SFI1: variants seen among roughly 807,000 people sequenced by gnomAD.
SFI1 encodes protein SFI1 homolog.
A neutral mutation model predicts 207.5 loss-of-function variants in SFI1; 195 were observed. That is an observed-to-expected ratio of 0.94 (90% CI 0.84 to 1.06). The LOEUF is 1.06. Ranked by LOEUF, SFI1 falls within the 50% of genes least tolerant of loss-of-function variation. The pLI, the probability that SFI1 is intolerant of heterozygous loss-of-function variation, is 0.00. For synonymous variants in SFI1, 630 were observed against 598.9 expected, an observed-to-expected ratio of 1.05 and a Z score of -0.76; for missense variants, 1,634 against 1,588.0, an observed-to-expected ratio of 1.03 and a Z score of -0.49.
intron 15 of SFI1, among the ~76,000 whole-genome samples, chr22:31,593,780 G>A (rs1181277527): frequency 1.3e-5 from 2 of 150,718 alleles, no homozygotes; most frequent in African/African-American, 4.9e-5. Flanking sequence ...GATCACTCGC[G>A]GTTAGGGGCT....
intron 3 of SFI1, 78 bp downstream of exon 3, chr22:31,528,941 C>G: frequency 7.2e-7 from 1 of 1,396,056 alleles, no homozygotes. Context: ...GGGAATGATT[C>G]TTATTCTTCC....
chr22:31,504,873 G>A (rs2054375338), intron 1 of SFI1, among the ~76,000 whole-genome samples: 1 of 151,998 alleles, frequency 6.6e-6, no homozygotes, highest in Non-Finnish European at 1.5e-5. Flanking sequence ...AAATCGTGTT[G>A]GATTATGGGC....
At chr22:31,525,578 G>C (rs1311073624) in intron 2 of SFI1, among the ~76,000 whole-genome samples, 5 of 152,094 alleles carry the variant, frequency 3.3e-5, no homozygotes, top group Non-Finnish European at 7.4e-5. Flanking sequence ...AATTAGCCAG[G>C]TGGTAGCATG....
At chr22:31,559,809 A>C in intron 7 of SFI1, 1 of 708,780 alleles carries the variant, frequency 1.4e-6, no homozygotes. Context: ...CTCCGTGCAG[A>C]TGTGGAGCGA....
intron 24 of SFI1, chr22:31,612,398 A>AAAAATATATAT (rs1556369798): frequency 1.7e-5 from 1 of 60,192 alleles, no homozygotes; most frequent in African/African-American, 6.7e-5. Flanking sequence ...AAAAAAAAAA[A>AAAAATATATAT]ATATATATAT....
chr22:31,510,378 T>A (rs551094554), intron 2 of SFI1, among the ~76,000 whole-genome samples: 30 of 151,954 alleles, frequency 2.0e-4, no homozygotes, highest in African/African-American at 7.2e-4. Context: ...GGAAAATTTT[T>A]AATTACTCAT....
At chr22:31,526,486 C>G (rs2057924738) in intron 2 of SFI1, among the ~76,000 whole-genome samples, 1 of 152,154 alleles carries the variant, frequency 6.6e-6, no homozygotes, top group Non-Finnish European at 1.5e-5. Context: ...AGGTCCCTCC[C>G]ATGACACGTG....
intron 15 of SFI1, among the ~76,000 whole-genome samples, chr22:31,596,279 A>G (rs189756866): frequency 1.3e-5 from 2 of 151,864 alleles, no homozygotes; most frequent in Admixed American, 6.6e-5. Context: ...CTCTCTCTCT[A>G]TCTATCTGTC....
rs1435002293 is a variant in SFI1 at position 31,603,808 on chromosome 22, C to T, written c.1870C>T (p.Gln624Ter). ...MAQLLRWAWSQWRECLALRGA... is the reference protein window; with the variant it reads ...MAQLLRWAWS ...CCAGCTCCTGCGTTGGGCCTGGAGC[C>T]AGTGGAGGGAGGTAAGGCTTTGGTG... Residue 624 changes from glutamine to a stop codon, truncating the protein, a stop_gained, in exon 18 of 33, where the codon CAG becomes TAG. Transcript: ENST00000400288. LOFTEE classifies it high-confidence loss of function. 2 of 1,569,068 alleles carry T rather than the reference C, an allele frequency of 1.3e-6. No individual in the cohort carries two copies. The highest frequency in any genetic ancestry group is 2.1e-5 in the Admixed American group (1 of 46,988).
intron 2 of SFI1, among the ~76,000 whole-genome samples, chr22:31,525,116 T>C (rs2057757408): frequency 6.6e-6 from 1 of 152,162 alleles, no homozygotes; most frequent in South Asian, 2.1e-4. Flanking sequence ...CTATAGGTTG[T>C]CTTTTTACTC....
At chr22:31,612,392 A>ATAT (rs1421688039) in intron 24 of SFI1, 5 of 107,400 alleles carry the variant, frequency 4.7e-5, no homozygotes, top group African/African-American at 1.9e-4. Flanking sequence ...AAAAAAAAAA[A>ATAT]AAAAAAATAT....
At chr22:31,614,042 G>A (rs908490077) in intron 27 of SFI1, 187 bp downstream of exon 27, 1 of 785,122 alleles carries the variant, frequency 1.3e-6, no homozygotes, top group Non-Finnish European at 1.9e-6. Context: ...GGAGAGAATG[G>A]AGTGGGATTT....
intron 11 of SFI1, among the ~76,000 whole-genome samples, chr22:31,579,858 A>G (rs1295278981): frequency 6.6e-6 from 1 of 152,194 alleles, no homozygotes; most frequent in Non-Finnish European, 1.5e-5. Flanking sequence ...TGCATTTATA[A>G]TCATACAAAT....
At chr22:31,564,840 G>T (rs1331368758) in intron 8 of SFI1, among the ~76,000 whole-genome samples, 3 of 98,210 alleles carry the variant, frequency 3.1e-5, no homozygotes, top group African/African-American at 1.6e-4. Context: ...TTGAGACGGA[G>T]TCTTGCTCTG....
At chr22:31,532,845 A>T (rs2058651272) in intron 4 of SFI1, among the ~76,000 whole-genome samples, 1 of 152,204 alleles carries the variant, frequency 6.6e-6, no homozygotes. Flanking sequence ...AGGTAGGAGA[A>T]CAGGTCTCAA....
intron 4 of SFI1, among the ~76,000 whole-genome samples, chr22:31,540,421 A>C (rs1383308734): frequency 6.6e-6 from 1 of 151,750 alleles, no homozygotes; most frequent in Non-Finnish European, 1.5e-5. Flanking sequence ...AGCTGAGATC[A>C]CAGGTGCCCA....
chr22:31,514,599 A>C (rs572781943), intron 2 of SFI1, among the ~76,000 whole-genome samples: 1 of 150,336 alleles, frequency 6.7e-6, no homozygotes, highest in South Asian at 2.1e-4. Context: ...AATTCTCCCT[A>C]CTCCTAGCCT....
At chr22:31,500,866 C>A (rs2053640615) in intron 1 of SFI1, among the ~76,000 whole-genome samples, 1 of 150,848 alleles carries the variant, frequency 6.6e-6, no homozygotes, top group Admixed American at 6.6e-5. Flanking sequence ...ATGGCGTGAT[C>A]TCGGCTTGCT....
intron 20 of SFI1, 88 bp from the exon 21 acceptor site, chr22:31,606,240 A>AG (rs1337281265): frequency 8.4e-7 from 1 of 1,187,324 alleles, no homozygotes; most frequent in African/African-American, 1.5e-5. Context: ...ACTCAGGAGT[A>AG]GGGGAAGAAG....
Sources: gnomAD v4.1 joint callset for allele counts (sites outside exome capture counted in the v4.1 genomes callset) on GRCh38, gnomAD v4.1.1 for gene constraint, MANE v1.5 for transcripts, NCBI Gene and HGNC (gene_info 2026-07-23, HGNC 2026-07-21) for gene names.